Variants in CSMD1 observed in about 807,000 individuals in gnomAD.
CSMD1 encodes CUB and sushi domain-containing protein 1.
A neutral mutation model predicts 417.5 loss-of-function variants in CSMD1; 213 were observed. The observed-to-expected ratio is 0.51, with a 90% CI of 0.46 to 0.57. CSMD1 has a LOEUF of 0.57. Among genes scored for constraint, CSMD1 ranks in the 20% least tolerant of loss-of-function variants. CSMD1 has a pLI of 0.00. For missense variants in CSMD1, 6,923 were observed against 4,529.7 expected, an observed-to-expected ratio of 1.53 and a Z score of -15.17; for synonymous variants, 2,862 against 1,736.8, an observed-to-expected ratio of 1.65 and a Z score of -16.11.
At chr8:3,859,938 T>G (rs1804579960) in intron 5 of CSMD1, among the ~76,000 whole-genome samples, 1 of 152,164 alleles carries the variant, frequency 6.6e-6, no homozygotes, top group South Asian at 2.1e-4. Flanking sequence ...TGTAATAGCT[T>G]TTCATGAATT....
intron 3 of CSMD1, among the ~76,000 whole-genome samples, chr8:4,341,369 G>A (rs947660349): frequency 2.0e-5 from 3 of 151,972 alleles, no homozygotes; most frequent in Admixed American, 6.6e-5. Context: ...ATTCACTATC[G>A]CAGGAAATAA....
intron 6 of CSMD1, among the ~76,000 whole-genome samples, chr8:3,713,183 A>G (rs1467007599): frequency 6.6e-6 from 1 of 152,218 alleles, no homozygotes; most frequent in Non-Finnish European, 1.5e-5. Context: ...AATATACCTA[A>G]GGGATACATT....
chr8:4,383,284 G>A (rs1436291807), intron 3 of CSMD1, among the ~76,000 whole-genome samples: 2 of 152,164 alleles, frequency 1.3e-5, no homozygotes, highest in Admixed American at 6.6e-5. Flanking sequence ...CTTTCCAAGG[G>A]CAAGATAAGA....
rs543881327 is a variant in CSMD1, at chr8:2,945,792, A to T, written c.10403-3188T>A. On this transcript the variant is annotated intron_variant, in intron 68 of 69. Transcript: ENST00000635120. ...TTGGTTCCTTGGCTGTTGCAACCAC[A>T]ACTGTTGCTGCCACTACTACAATGA... Among the ~76,000 whole-genome samples the T allele has an allele frequency of 1.9e-3, 289 of 152,244 alleles. 3 individuals carry two copies. The highest frequency in any genetic ancestry group is 6.4e-3 in the African/African-American group (267 of 41,546).
At chr8:3,625,871 G>T (rs1046311732) in intron 7 of CSMD1, among the ~76,000 whole-genome samples, 16 of 152,240 alleles carry the variant, frequency 1.1e-4, no homozygotes, top group African/African-American at 3.9e-4. Context: ...TAAGGGCTCA[G>T]ATATTAACAA....
chr8:3,762,034 G>C (rs1010429932), intron 5 of CSMD1, among the ~76,000 whole-genome samples: 1 of 151,846 alleles, frequency 6.6e-6, no homozygotes, highest in African/African-American at 2.4e-5. Context: ...CTTTTTCCTT[G>C]TGCCCTCCTA....
chr8:3,269,187 C>T (rs572422671), intron 26 of CSMD1, among the ~76,000 whole-genome samples: 23 of 152,332 alleles, frequency 1.5e-4, no homozygotes, highest in East Asian at 1.9e-4. Context: ...ACCAGGTGTC[C>T]ACGGGACGGA....
At chr8:3,717,228 C>A (rs1345242028) in intron 6 of CSMD1, among the ~76,000 whole-genome samples, 1 of 152,102 alleles carries the variant, frequency 6.6e-6, no homozygotes, top group African/African-American at 2.4e-5. Flanking sequence ...AGTAAACGTA[C>A]CTTTCCATTA....
intron 1 of CSMD1, among the ~76,000 whole-genome samples, chr8:4,952,919 C>G (rs1374140265): frequency 6.6e-6 from 1 of 152,080 alleles, no homozygotes; most frequent in Admixed American, 6.6e-5. Context: ...TGAACTGATT[C>G]ACTGCTACAT....
chr8:3,271,046 A>G (rs539633217), intron 26 of CSMD1, among the ~76,000 whole-genome samples: 4 of 151,244 alleles, frequency 2.6e-5, no homozygotes, highest in Non-Finnish European at 4.4e-5. Flanking sequence ...TCATCTAGCA[A>G]TAGGTATATC....
At chr8:3,803,576 G>A (rs999195302) in intron 5 of CSMD1, among the ~76,000 whole-genome samples, 2 of 152,154 alleles carry the variant, frequency 1.3e-5, no homozygotes, top group Admixed American at 1.3e-4. Flanking sequence ...AGGCTCAGAT[G>A]GTTCATGAAG....
chr8:4,021,556 G>C (rs189742287), intron 4 of CSMD1, among the ~76,000 whole-genome samples: 1 of 152,140 alleles, frequency 6.6e-6, no homozygotes, highest in Non-Finnish European at 1.5e-5. Context: ...CTTCTGAGCA[G>C]GTGCACCTGG....
Position 3,144,630 on chromosome 8 carries a change from T to C in CSMD1, c.6032-1956A>G, listed in dbSNP as rs143412645. Reference sequence around the variant, plus strand: ...ATATAATCAAGGTGGAGCAACTCTTTAAATTTACAACATTTCTGCAAATAT... The same window carrying C: ...ATATAATCAAGGTGGAGCAACTCTTCAAATTTACAACATTTCTGCAAATAT... On this transcript the variant is annotated intron_variant, in intron 40 of 69. Transcript: ENST00000635120. Among the ~76,000 whole-genome samples, 337 of 152,212 alleles carry C rather than the reference T, an allele frequency of 2.2e-3. 1 individual carries two copies. The highest frequency in any genetic ancestry group is 3.5e-3 in the Non-Finnish European group (240 of 68,016).
At chr8:4,629,874 T>C (rs1159657138) in intron 2 of CSMD1, among the ~76,000 whole-genome samples, 3 of 152,182 alleles carry the variant, frequency 2.0e-5, no homozygotes, top group Non-Finnish European at 4.4e-5. Context: ...CTGTTCCCTT[T>C]GTGTAAATCT....
chr8:3,181,270 A>C (rs142751128), intron 36 of CSMD1, 56 bp from the exon 37 acceptor site: 19 of 1,165,936 alleles, frequency 1.6e-5, no homozygotes, highest in Non-Finnish European at 2.1e-5. Context: ...CACTTTTCTA[A>C]ATATAAAACA....
At chr8:4,895,464 A>G (rs1020251253) in intron 1 of CSMD1, among the ~76,000 whole-genome samples, 7 of 152,110 alleles carry the variant, frequency 4.6e-5, no homozygotes, top group African/African-American at 1.7e-4. Flanking sequence ...ATTCTGCTTT[A>G]TCATTGGCAT....
intron 3 of CSMD1, among the ~76,000 whole-genome samples, chr8:4,074,571 G>A (rs561562542): frequency 4.6e-5 from 7 of 152,136 alleles, no homozygotes; most frequent in African/African-American, 1.7e-4. Context: ...TAAAGGATCC[G>A]ACATAAATTA....
chr8:3,645,946 G>A (rs1347884981), intron 7 of CSMD1, among the ~76,000 whole-genome samples: 1 of 151,482 alleles, frequency 6.6e-6, no homozygotes, highest in Non-Finnish European at 1.5e-5. Context: ...ATTATCAACA[G>A]TATCATAAAA....
chr8:4,817,731 G>C (rs748171391), intron 1 of CSMD1, among the ~76,000 whole-genome samples: 1 of 152,090 alleles, frequency 6.6e-6, no homozygotes, highest in Non-Finnish European at 1.5e-5. Flanking sequence ...GTTTGTAGTC[G>C]AATTAATATA....
Sources: gnomAD v4.1 joint callset for allele counts (sites outside exome capture counted in the v4.1 genomes callset) on GRCh38, gnomAD v4.1.1 for gene constraint, MANE v1.5 for transcripts, NCBI Gene and HGNC (gene_info 2026-07-23, HGNC 2026-07-21) for gene names.